MYT1L: variants seen among roughly 807,000 people sequenced by gnomAD.
MYT1L encodes the protein myelin transcription factor 1-like protein.
A neutral mutation model predicts 126.7 loss-of-function variants in MYT1L; 12 were observed. The ratio of observed to expected loss-of-function variants is 0.09; its 90% CI spans 0.06 to 0.15. MYT1L has a LOEUF of 0.15. Ranked by LOEUF, MYT1L falls within the 10% of genes least tolerant of loss-of-function variation. The probability of loss-of-function intolerance (pLI) is 1.00; values close to 1 mark genes in which losing one functional copy is unlikely to be tolerated. For synonymous variants in MYT1L, 541 were observed against 604.2 expected, an observed-to-expected ratio of 0.90 and a Z score of 1.53; for missense variants, 979 against 1,585.2, an observed-to-expected ratio of 0.62 and a Z score of 6.49.
intron 4 of MYT1L, among the ~76,000 whole-genome samples, chr2:2,040,486 TC>T (rs1309668124): frequency 1.3e-5 from 2 of 152,206 alleles, no homozygotes; most frequent in Non-Finnish European, 2.9e-5. Flanking sequence ...ACCCAGGGTG[TC>T]CCCGTTCCAG....
chr2:1,952,826 TCCC>T (rs1245400754), intron 8 of MYT1L, among the ~76,000 whole-genome samples: 67 of 68,550 alleles, frequency 9.8e-4, no homozygotes, highest in Non-Finnish European at 1.2e-3. Context: ...CCTCTCTCCC[TCCC>T]TCCTTCCCTT....
intron 8 of MYT1L, among the ~76,000 whole-genome samples, chr2:1,975,469 C>T (rs2060099161): frequency 1.3e-5 from 2 of 152,210 alleles, no homozygotes; most frequent in South Asian, 4.1e-4. Flanking sequence ...TGGCTCATGC[C>T]TGTAATCCCA....
intron 2 of MYT1L, among the ~76,000 whole-genome samples, chr2:2,270,496 T>A (rs1373993488): frequency 6.6e-6 from 1 of 152,132 alleles, no homozygotes; most frequent in African/African-American, 2.4e-5. Context: ...AAGGGAATGA[T>A]CTGTCACTGA....
chr2:1,893,392 C>T (rs966731947), intron 14 of MYT1L, among the ~76,000 whole-genome samples: 2 of 152,134 alleles, frequency 1.3e-5, no homozygotes, highest in Admixed American at 6.5e-5. Context: ...TCAGTGAGCC[C>T]CTCCCTTTAG....
At chr2:2,129,259 T>C (rs913339430) in intron 3 of MYT1L, among the ~76,000 whole-genome samples, 21 of 152,138 alleles carry the variant, frequency 1.4e-4, no homozygotes, top group Non-Finnish European at 2.8e-4. Context: ...ATAGGTTAAT[T>C]TGGGGATCTT....
At chr2:1,939,132 C>G (rs2056343209) in intron 9 of MYT1L, among the ~76,000 whole-genome samples, 1 of 152,238 alleles carries the variant, frequency 6.6e-6, no homozygotes, top group Non-Finnish European at 1.5e-5. Flanking sequence ...GCCCTGGTTT[C>G]TGCACTCAGA....
At chr2:2,181,118 A>G (rs2091453507) in intron 2 of MYT1L, among the ~76,000 whole-genome samples, 1 of 147,966 alleles carries the variant, frequency 6.8e-6, no homozygotes, top group Non-Finnish European at 1.5e-5. Context: ...ATGTATCTGT[A>G]CCTGTGTGCC....
chr2:2,120,832 T>C (rs2080890473), intron 3 of MYT1L, among the ~76,000 whole-genome samples: 2 of 151,970 alleles, frequency 1.3e-5, no homozygotes, highest in African/African-American at 4.8e-5. Context: ...AACCGTGCAA[T>C]ACCTCGCTCA....
At chr2:2,310,327 T>G (rs1257577760) in intron 1 of MYT1L, among the ~76,000 whole-genome samples, 3 of 152,030 alleles carry the variant, frequency 2.0e-5, no homozygotes, top group African/African-American at 7.2e-5. Flanking sequence ...CACTTATACT[T>G]TAGTACACTC....
At chr2:2,184,539 G>A (rs1559264739) in intron 2 of MYT1L, among the ~76,000 whole-genome samples, 1 of 152,036 alleles carries the variant, frequency 6.6e-6, no homozygotes, top group Non-Finnish European at 1.5e-5. Flanking sequence ...TTTTTTTCAT[G>A]GGATGATTTC....
chr2:1,905,250 A>T (rs2050890815), intron 13 of MYT1L, among the ~76,000 whole-genome samples: 4 of 152,214 alleles, frequency 2.6e-5, no homozygotes, highest in Admixed American at 2.0e-4. Context: ...ATCATTCTAA[A>T]TTATATAAAA....
At chr2:1,969,779 G>T (rs2059669794) in intron 8 of MYT1L, among the ~76,000 whole-genome samples, 1 of 152,178 alleles carries the variant, frequency 6.6e-6, no homozygotes, top group Non-Finnish European at 1.5e-5. Context: ...AGCCAGGAGT[G>T]GCCACAGCCT....
chr2:2,117,917 A>G (rs984421753), intron 3 of MYT1L, among the ~76,000 whole-genome samples: 1 of 151,978 alleles, frequency 6.6e-6, no homozygotes, highest in African/African-American at 2.4e-5. Context: ...TTTTTAATGC[A>G]TGTCATGATT....
intron 3 of MYT1L, among the ~76,000 whole-genome samples, chr2:2,149,398 TTA>T (rs1016914318): frequency 3.3e-5 from 5 of 152,158 alleles, no homozygotes; most frequent in Admixed American, 6.6e-5. Flanking sequence ...TGCATGGAGA[TTA>T]TCAACAATTG....
chr2:1,883,264 C>T (rs2047791005), intron 18 of MYT1L, among the ~76,000 whole-genome samples: 1 of 152,232 alleles, frequency 6.6e-6, no homozygotes, highest in Non-Finnish European at 1.5e-5. Context: ...AGCCAATTCT[C>T]TGTGATCGAA....
rs75960508 is a variant in MYT1L at position 2,124,814 on chromosome 2, G to A, written c.-304+48058C>T. On this transcript the variant is annotated intron_variant, in intron 3 of 24. Coordinates refer to ENST00000647738, the MANE Select transcript of MYT1L (RefSeq NM_001303052.2). ...TGTTTGAAGTATGGCCAGACACTTT[G>A]CTGAGGCACAGACATGTCCACCTGT... Among the ~76,000 whole-genome samples the A allele has an allele frequency of 2.5e-3, 380 of 152,250 alleles. 1 individual carries two copies. The highest frequency in any genetic ancestry group is 8.6e-3 in the African/African-American group (357 of 41,552).
chr2:2,098,529 G>A (rs942072188), intron 3 of MYT1L, among the ~76,000 whole-genome samples: 1 of 152,150 alleles, frequency 6.6e-6, no homozygotes, highest in Non-Finnish European at 1.5e-5. Flanking sequence ...AGAGGATTTG[G>A]CAATGTCTGG....
At chr2:2,100,145 G>T (rs574028052) in intron 3 of MYT1L, among the ~76,000 whole-genome samples, 1 of 152,274 alleles carries the variant, frequency 6.6e-6, no homozygotes, top group East Asian at 1.9e-4. Context: ...ACAGAAGGAT[G>T]TATGTTATTT....
chr2:2,327,714 A>G (rs2096259221), intron 1 of MYT1L, among the ~76,000 whole-genome samples: 1 of 152,208 alleles, frequency 6.6e-6, no homozygotes, highest in Non-Finnish European at 1.5e-5. Context: ...ATTGAAAATT[A>G]TAGCCCTGGT....
Sources: gnomAD v4.1 joint callset for allele counts (sites outside exome capture counted in the v4.1 genomes callset) on GRCh38, gnomAD v4.1.1 for gene constraint, MANE v1.5 for transcripts, NCBI Gene and HGNC (gene_info 2026-07-23, HGNC 2026-07-21) for gene names.